Variants in TMEM135 observed in about 807,000 individuals in gnomAD.
TMEM135 encodes peroxisomal membrane protein 52.
A neutral mutation model predicts 60.3 loss-of-function variants in TMEM135; 30 were observed. The ratio of observed to expected loss-of-function variants is 0.50; its 90% confidence interval spans 0.37 to 0.68. The LOEUF (loss-of-function observed/expected upper bound fraction) is 0.68, where lower values mean the gene tolerates loss of function less well. Among genes scored for constraint, TMEM135 ranks in the 30% least tolerant of loss-of-function variants. TMEM135 has a pLI of 0.00. For synonymous variants in TMEM135, 190 were observed against 186.7 expected (o/e 1.02, Z -0.14); for missense variants, 468 against 548.8 (o/e 0.85, Z 1.47).
At chr11:87,297,802 T>A (rs1251388670) in intron 7 of TMEM135, among the ~76,000 whole-genome samples, 4 of 152,210 alleles carry the variant, frequency 2.6e-5, no homozygotes, top group Admixed American at 6.5e-5. Flanking sequence ...AATGGTCATG[T>A]TTATTTGTGC....
chr11:87,285,065 TCAAAA>T (rs1942138837), intron 6 of TMEM135, among the ~76,000 whole-genome samples: 3 of 152,344 alleles, frequency 2.0e-5, no homozygotes, highest in Admixed American at 6.5e-5. Context: ...TGAACATTTT[TCAAAA>T]CAAAACAAAA....
At chr11:87,183,993 C>G (rs546873702) in intron 5 of TMEM135, among the ~76,000 whole-genome samples, 1 of 140,962 alleles carries the variant, frequency 7.1e-6, no homozygotes, top group Non-Finnish European at 1.5e-5. Context: ...GAGAGTTAAA[C>G]GAATATTTAC....
chr11:87,314,036 A>G (rs1423092135), intron 11 of TMEM135, among the ~76,000 whole-genome samples: 1 of 151,892 alleles, frequency 6.6e-6, no homozygotes, highest in African/African-American at 2.4e-5. Flanking sequence ...TTCCATTTAT[A>G]TAATGAAAGC....
intron 10 of TMEM135, among the ~76,000 whole-genome samples, chr11:87,311,875 A>G (rs1942645929): frequency 6.6e-6 from 1 of 151,944 alleles, no homozygotes; most frequent in African/African-American, 2.4e-5. Context: ...TCATTGTTTT[A>G]TAGTCTATGT....
chr11:87,278,879 C>A (rs4281497), intron 6 of TMEM135, among the ~76,000 whole-genome samples: 55,682 of 151,990 alleles, frequency 0.37, 10,867 homozygotes, highest in Non-Finnish European at 0.43. Flanking sequence ...ATAGCAGGAA[C>A]AGATGGATCT....
intron 6 of TMEM135, among the ~76,000 whole-genome samples, chr11:87,264,053 A>G (rs7130295): frequency 0.35 from 53,603 of 151,788 alleles, 10,026 homozygotes; most frequent in Non-Finnish European, 0.42. Flanking sequence ...TACATATGAC[A>G]TAGTTTAAAC....
At chr11:87,320,734 A>T (rs1942805672) in intron 14 of TMEM135, among the ~76,000 whole-genome samples, 1 of 152,176 alleles carries the variant, frequency 6.6e-6, no homozygotes, top group African/African-American at 2.4e-5. Context: ...AAATGTTTGC[A>T]CATTTGAATG....
At chr11:87,054,423 ACT>A (rs1173405524) in intron 1 of TMEM135, among the ~76,000 whole-genome samples, 4 of 152,126 alleles carry the variant, frequency 2.6e-5, no homozygotes, top group Non-Finnish European at 5.9e-5. Flanking sequence ...ACAGAGTGAG[ACT>A]CTGTCTCAAA....
chr11:87,084,108 C>T (rs188221291), intron 3 of TMEM135, among the ~76,000 whole-genome samples: 4 of 151,994 alleles, frequency 2.6e-5, no homozygotes, highest in African/African-American at 9.7e-5. Flanking sequence ...AATATATACA[C>T]CAAAGCTTCT....
At chr11:87,086,072 C>G (rs1018765975) in intron 3 of TMEM135, among the ~76,000 whole-genome samples, 1 of 152,148 alleles carries the variant, frequency 6.6e-6, no homozygotes, top group African/African-American at 2.4e-5. Context: ...CACTTCTTTG[C>G]TAATAAATTG....
At chr11:87,039,524 A>G (rs866875842) in intron 1 of TMEM135, among the ~76,000 whole-genome samples, 1 of 152,152 alleles carries the variant, frequency 6.6e-6, no homozygotes, top group Admixed American at 6.5e-5. Flanking sequence ...ATTCATGTTT[A>G]TCTGCTTTTC....
At chr11:87,093,979 T>C (rs932144331) in intron 4 of TMEM135, among the ~76,000 whole-genome samples, 1 of 152,216 alleles carries the variant, frequency 6.6e-6, no homozygotes, top group African/African-American at 2.4e-5. Flanking sequence ...TCATCTAACA[T>C]ACCTCCACAG....
Position 87,258,983 on chromosome 11 carries a change from C to G in TMEM135, c.509+22299C>G, listed in dbSNP as rs184121492. The G allele has an allele frequency of 3.9e-6, 6 of 1,528,630 alleles. No individual in the cohort carries two copies. In the East Asian group the frequency reaches 6.8e-5, roughly 17 times the overall value. The allele number at this position is 1,528,630 out of a possible 1,614,324, so 94.7% of individuals were successfully genotyped here. On this transcript the variant is annotated intron_variant, in intron 6 of 14. Coordinates refer to ENST00000305494, the MANE Select transcript of TMEM135 (RefSeq NM_022918.4). Reference sequence around the variant, plus strand: ...TGCATCTTCTCAGTCTCAAAGACAACGGGAAGAACCAGGATCATAAAGGAA... The same window carrying G: ...TGCATCTTCTCAGTCTCAAAGACAAGGGGAAGAACCAGGATCATAAAGGAA...
chr11:87,188,190 C>G (rs979502285), intron 5 of TMEM135, among the ~76,000 whole-genome samples: 4 of 112,480 alleles, frequency 3.6e-5, no homozygotes, highest in Non-Finnish European at 5.5e-5. Context: ...GTAGTTTGTA[C>G]AGTCATATTT....
At chr11:87,047,031 C>T (rs530025658) in intron 1 of TMEM135, among the ~76,000 whole-genome samples, 3 of 152,210 alleles carry the variant, frequency 2.0e-5, no homozygotes, top group East Asian at 1.9e-4. Flanking sequence ...TTTGTTATTC[C>T]TCTGCCCATA....
At chr11:87,257,557 G>A (rs1941553067) in intron 6 of TMEM135, among the ~76,000 whole-genome samples, 1 of 152,126 alleles carries the variant, frequency 6.6e-6, no homozygotes, top group African/African-American at 2.4e-5. Context: ...TGGGGTTATT[G>A]TATTGAATAT....
chr11:87,297,874 C>T (rs938341026), intron 7 of TMEM135, among the ~76,000 whole-genome samples: 10 of 152,142 alleles, frequency 6.6e-5, no homozygotes, highest in African/African-American at 2.2e-4. Flanking sequence ...AATTTGGATT[C>T]AAGAAATGTG....
intron 14 of TMEM135, among the ~76,000 whole-genome samples, chr11:87,320,701 A>G (rs1335481683): frequency 6.6e-6 from 1 of 152,162 alleles, no homozygotes; most frequent in Non-Finnish European, 1.5e-5. Context: ...GAAAACCTAT[A>G]TGCTGTTTGC....
At chr11:87,123,283 A>G (rs1317108433) in intron 4 of TMEM135, among the ~76,000 whole-genome samples, 1 of 148,052 alleles carries the variant, frequency 6.8e-6, no homozygotes, top group Admixed American at 6.8e-5. Context: ...TGAAGTTTCT[A>G]GGGAAGAATC....
Sources: gnomAD v4.1 joint callset for allele counts (sites outside exome capture counted in the v4.1 genomes callset) on GRCh38, gnomAD v4.1.1 for gene constraint, MANE v1.5 for transcripts, NCBI Gene and HGNC (gene_info 2026-07-23, HGNC 2026-07-21) for gene names.